Variants in PSMG2 observed in about 807,000 individuals in gnomAD.
PSMG2 encodes proteasome assembly chaperone 2.
A neutral mutation model predicts 31.5 loss-of-function variants in PSMG2; 21 were observed. The ratio of observed to expected loss-of-function variants is 0.67; its 90% CI spans 0.47 to 0.96. PSMG2 has a LOEUF of 0.96. PSMG2 is among the 40% of genes least tolerant of loss of function. The pLI is 0.00. For synonymous variants in PSMG2, 120 were observed against 110.4 expected, an observed-to-expected ratio of 1.09 and a Z score of -0.54; for missense variants, 318 against 321.2, an observed-to-expected ratio of 0.99 and a Z score of 0.08.
intron 3 of PSMG2, 52 bp downstream of exon 3, chr18:12,712,812 A>G: frequency 1.4e-6 from 2 of 1,389,808 alleles, no homozygotes; most frequent in Admixed American, 1.8e-5. Flanking sequence ...ATGAGAAAAT[A>G]AGTAACATTA....
chr18:12,670,043 G>T (rs1029339014), intron 1 of PSMG2, among the ~76,000 whole-genome samples: 3 of 150,002 alleles, frequency 2.0e-5, no homozygotes, highest in African/African-American at 4.9e-5. Context: ...TTAGTAAGAA[G>T]AATAGGCCAG....
chr18:12,685,188 C>T (rs531855187), intron 1 of PSMG2: 12 of 151,788 alleles, frequency 7.9e-5, no homozygotes, highest in South Asian at 2.1e-4. Context: ...TTAGTGGAGA[C>T]GGAGTTTCTC....
At chr18:12,672,578 A>G in intron 1 of PSMG2, 8 of 826,510 alleles carry the variant, frequency 9.7e-6, no homozygotes, top group Non-Finnish European at 1.2e-5. Flanking sequence ...GTTTCAGAAG[A>G]TAGAATCCAT....
intron 1 of PSMG2, among the ~76,000 whole-genome samples, chr18:12,688,378 G>A (rs755777874): frequency 6.6e-6 from 1 of 151,910 alleles, no homozygotes; most frequent in Admixed American, 6.6e-5. Flanking sequence ...AGGGTAAAAA[G>A]AATAATGAAT....
intron 5 of PSMG2, chr18:12,724,110 G>T (rs994142692): frequency 1.2e-5 from 2 of 168,204 alleles, no homozygotes; most frequent in Non-Finnish European, 2.5e-5. Flanking sequence ...CTCTTCCACA[G>T]TTTCCCTCAC....
At chr18:12,707,162 G>T (rs991852757) in intron 2 of PSMG2, among the ~76,000 whole-genome samples, 2 of 152,144 alleles carry the variant, frequency 1.3e-5, no homozygotes, top group Non-Finnish European at 2.9e-5. Context: ...GTTTCACTGT[G>T]TTAGCCAGGA....
At chr18:12,659,701 A>G (rs2038655564) in intron 1 of PSMG2, among the ~76,000 whole-genome samples, 2 of 152,212 alleles carry the variant, frequency 1.3e-5, no homozygotes, top group Admixed American at 1.3e-4. Flanking sequence ...AAAGAGGAGA[A>G]GAAAGCTCCC....
intron 1 of PSMG2, among the ~76,000 whole-genome samples, chr18:12,684,020 C>CAT (rs1185520851): frequency 6.7e-6 from 1 of 149,838 alleles, no homozygotes; most frequent in African/African-American, 2.4e-5. Context: ...TATATGATAT[C>CAT]ATATATATAT....
chr18:12,663,656 CAG>C (rs1260410172), intron 1 of PSMG2, among the ~76,000 whole-genome samples: 1 of 152,234 alleles, frequency 6.6e-6, no homozygotes, highest in African/African-American at 2.4e-5. Flanking sequence ...AAATTTTAAC[CAG>C]AGTTTTGTGT....
At position 12,669,402 on chromosome 18, in the gene PSMG2, G is replaced by A. The variant is rs1449325007; in HGVS notation, c.-37+10629G>A. Among the ~76,000 whole-genome samples, 9 of 151,770 alleles carry A rather than the reference G, an allele frequency of 5.9e-5. No individual in the cohort carries two copies. The South Asian group carries it at 8.3e-4, about 14-fold the overall frequency. ...GCTGGGATTACAGGCATGAGCCACC[G>A]CGCCTGGCCCCAATTTTTTTTATTT... On this transcript the variant is annotated intron_variant, in intron 1 of 6. Coordinates refer to the PSMG2 transcript ENST00000585331.
Position 12,691,630 on chromosome 18 carries a change from C to G in PSMG2, c.-36-14920C>G, listed in dbSNP as rs138093534. 6.3e-4 allele frequency: 359 copies of G among 566,360 alleles called. 1 individual carries two copies. Among genetic ancestry groups the G allele is most frequent in the African/African-American group, 6.3e-3 (331 of 52,472 alleles). The allele number at this position is 566,360 out of a possible 1,614,324, so 35.1% of individuals were successfully genotyped here. ...TCTTCTATAAGAGCCTCCTGACTTC[C>G]CTATTTCTACACTTACCCCTAGTAC... On this transcript the variant is annotated intron_variant, in intron 1 of 6. Transcript: ENST00000585331.
chr18:12,678,540 T>C (rs1047673702), intron 1 of PSMG2: 1 of 724,884 alleles, frequency 1.4e-6, no homozygotes, highest in Admixed American at 2.8e-5. Flanking sequence ...CATAACTACT[T>C]CTCAGAACTA....
At chr18:12,724,843 C>A in intron 6 of PSMG2, 1 of 443,528 alleles carries the variant, frequency 2.3e-6, no homozygotes, top group South Asian at 8.1e-5. Context: ...AAAGGAAAAT[C>A]CTTAGTTCTT....
At chr18:12,705,545 A>G (rs949955829) in intron 1 of PSMG2, among the ~76,000 whole-genome samples, 4 of 137,774 alleles carry the variant, frequency 2.9e-5, no homozygotes, top group South Asian at 2.4e-4. Flanking sequence ...TCATGGGAAA[A>G]AGAGAGAGAG....
upstream of PSMG2, chr18:12,699,077 T>C (rs1271704769): frequency 1.2e-6 from 2 of 1,614,012 alleles, no homozygotes; most frequent in Non-Finnish European, 1.7e-6. Context: ...GTTTCGATAA[T>C]GTAAACATAA....
At chr18:12,680,297 A>T (rs2039298755) in intron 1 of PSMG2, among the ~76,000 whole-genome samples, 1 of 152,136 alleles carries the variant, frequency 6.6e-6, no homozygotes, top group South Asian at 2.1e-4. Flanking sequence ...CTTATAATTT[A>T]AAATACTTAT....
chr18:12,674,472 C>A (rs1055889514), intron 1 of PSMG2: 36 of 1,179,630 alleles, frequency 3.1e-5, no homozygotes, highest in South Asian at 1.9e-4. Context: ...ATTAAAAAAA[C>A]CCCTGCCGGA....
intron 1 of PSMG2, among the ~76,000 whole-genome samples, chr18:12,666,197 A>G (rs953665573): frequency 4.6e-5 from 7 of 151,898 alleles, no homozygotes; most frequent in Non-Finnish European, 8.8e-5. Flanking sequence ...TCATGGTGGC[A>G]TACACCTATA....
chr18:12,724,476 A>G (rs1272768095), intron 5 of PSMG2, 23 bp from the exon 6 acceptor site: 7 of 1,579,776 alleles, frequency 4.4e-6, no homozygotes, highest in African/African-American at 1.4e-5. Context: ...AAGAATACTG[A>G]TTCTTATTTT....
Sources: allele counts gnomAD v4.1 joint callset (sites outside exome capture counted in the v4.1 genomes callset), GRCh38; gene constraint gnomAD v4.1.1; transcripts MANE v1.5; gene names NCBI Gene and HGNC (gene_info 2026-07-23, HGNC 2026-07-21).